CHD1: variants seen among roughly 807,000 people sequenced by gnomAD.
CHD1 encodes chromodomain helicase DNA binding protein 1.
A neutral mutation model predicts 224.2 loss-of-function variants in CHD1; 36 were observed. That is an observed-to-expected ratio of 0.16 (90% confidence interval 0.12 to 0.21). The LOEUF (loss-of-function observed/expected upper bound fraction) is 0.21. Ranked by LOEUF, CHD1 falls within the 10% of genes least tolerant of loss-of-function variation. The pLI, the probability that CHD1 is intolerant of heterozygous loss-of-function variation, is 1.00. For missense variants in CHD1, 1,378 were observed against 1,994.8 expected, an observed-to-expected ratio of 0.69 and a Z score of 5.89; for synonymous variants, 668 against 658.3, an observed-to-expected ratio of 1.01 and a Z score of -0.23.
intron 15 of CHD1, chr5:98,889,776 G>C (rs886741741): frequency 6.6e-6 from 1 of 152,142 alleles, no homozygotes; most frequent in Admixed American, 6.5e-5. Context: ...CCAATACAGA[G>C]ATTAGAATGG....
intron 18 of CHD1, 128 bp downstream of exon 18, chr5:98,885,450 C>A: frequency 1.5e-6 from 1 of 651,550 alleles, no homozygotes; most frequent in Non-Finnish European, 2.7e-6. Flanking sequence ...ATTTGCTAAT[C>A]AAAGGTGGCT....
chr5:98,868,676 T>G (rs375909293), intron 30 of CHD1, 41 bp from the exon 31 acceptor site: 4 of 1,503,872 alleles, frequency 2.7e-6, no homozygotes, highest in Middle Eastern at 1.8e-4. Flanking sequence ...AAAACCCCAA[T>G]AGCAACAAAG....
intron 4 of CHD1, 33 bp downstream of exon 4, chr5:98,903,759 C>CTT: frequency 7.0e-7 from 1 of 1,437,240 alleles, no homozygotes; most frequent in Middle Eastern, 1.7e-4. Context: ...AGCATGTCCA[C>CTT]TTTTAAAATA....
chr5:98,898,898 A>G, intron 8 of CHD1, 134 bp from the exon 9 acceptor site: 1 of 627,800 alleles, frequency 1.6e-6, no homozygotes, highest in Non-Finnish European at 2.8e-6. Context: ...AGTAATAAAG[A>G]AACTCAAACA....
chr5:98,916,341 T>A (rs1271167628), intron 2 of CHD1, among the ~76,000 whole-genome samples: 1 of 151,246 alleles, frequency 6.6e-6, no homozygotes, highest in South Asian at 2.1e-4. Context: ...AGTTCAGGAG[T>A]TCGAGACCAG....
intron 2 of CHD1, among the ~76,000 whole-genome samples, chr5:98,917,420 C>A (rs1752809703): frequency 6.6e-6 from 1 of 151,966 alleles, no homozygotes; most frequent in African/African-American, 2.4e-5. Flanking sequence ...CAGTATCCAC[C>A]TGACATATAC....
At chr5:98,896,504 T>C (rs1483116956) in intron 11 of CHD1, 62 bp from the exon 12 acceptor site, 1 of 1,122,454 alleles carries the variant, frequency 8.9e-7, no homozygotes, top group Non-Finnish European at 1.3e-6. Context: ...GAAACCTTTT[T>C]ACATCATGTG....
chr5:98,915,245 T>C (rs1752663569), intron 2 of CHD1, among the ~76,000 whole-genome samples: 1 of 152,252 alleles, frequency 6.6e-6, no homozygotes, highest in Admixed American at 6.5e-5. Flanking sequence ...TCCACTGCTT[T>C]GTTAAGCACT....
Position 98,903,883 on chromosome 5 carries a change from A to T in CHD1, c.281T>A (p.Leu94Gln). The T allele has an allele frequency of 6.2e-7, 1 of 1,609,252 alleles. No homozygotes were observed. Among genetic ancestry groups the T allele is most frequent in the Non-Finnish European group, 8.5e-7 (1 of 1,177,070 alleles). ...GAGGATTGCAGATCTCTGAACGGCC[A>T]GAATACTAGGACTAGATTTCCAAAA... ...AEFWKSSPSI[L>Q]AVQRSAILKK... The change falls in exon 4 of 36, where the codon CTG (leucine) becomes CAG (glutamine). Residue 94 changes from leucine (L) to glutamine (Q), a missense_variant. By Grantham distance (113) the Leu-to-Gln change is moderately radical. Around this residue, in one of 16 missense-constraint regions of CHD1, gnomAD observed 306 missense variants for 298.1 expected, o/e 1.03. Transcript: ENST00000614616.
rs1437952164 is a variant in CHD1, at chr5:98,914,848, A to G, written c.54-9750T>C. ...CCACAATACTTTGCTCATGTTACTA[A>G]TAATTCCTTCACAGTATTACAATTA... On this transcript the variant is annotated intron_variant, in intron 2 of 35. Coordinates refer to ENST00000614616, the MANE Select transcript of CHD1 (RefSeq NM_001270.4). 2.0e-5 allele frequency among the ~76,000 whole-genome samples: 3 copies of G among 151,792 alleles called. No individual in the cohort carries two copies. In the East Asian group the frequency reaches 5.8e-4, roughly 29 times the overall value.
chr5:98,923,360 T>G (rs1467824210), intron 2 of CHD1, among the ~76,000 whole-genome samples: 1 of 152,218 alleles, frequency 6.6e-6, no homozygotes, highest in Non-Finnish European at 1.5e-5. Flanking sequence ...TGCTTTGCAA[T>G]TATTTAAGAT....
chr5:98,867,861 G>GGTGCAATC (rs1161714470), intron 31 of CHD1, among the ~76,000 whole-genome samples: 2 of 140,598 alleles, frequency 1.4e-5, no homozygotes, highest in African/African-American at 5.2e-5. Context: ...GGAGTGCAAT[G>GGTGCAATC]GTGCAATCTC....
chr5:98,904,869 A>G (rs1310787348), intron 3 of CHD1, 28 bp downstream of exon 3: 1 of 1,606,520 alleles, frequency 6.2e-7, no homozygotes, highest in Non-Finnish European at 8.5e-7. Flanking sequence ...CAAGCAATCT[A>G]CCTTTCATTG....
chr5:98,881,252 C>CTTTTTTTTTT, intron 21 of CHD1, 27 bp downstream of exon 21: 2 of 674,850 alleles, frequency 3.0e-6, no homozygotes, highest in Non-Finnish European at 2.3e-6. Flanking sequence ...TGAGGCAGGC[C>CTTTTTTTTTT]TTTTTTTTTT....
At chr5:98,921,315 G>A (rs367805683) in intron 2 of CHD1, among the ~76,000 whole-genome samples, 2 of 152,170 alleles carry the variant, frequency 1.3e-5, no homozygotes, top group Admixed American at 6.5e-5. Context: ...TTGGAGGTTC[G>A]CAGAGAATGA....
rs7702352 is a variant in CHD1 at position 98,901,127 on chromosome 5, T to C, written c.588-45A>G. 279,980 of 1,572,668 alleles carry C rather than the reference T, an allele frequency of 0.18. 25,615 individuals carry two copies. The highest frequency in any genetic ancestry group is 0.29 in the Middle Eastern group (1,671 of 5,806). ...AAAAAAAACAAGATTTGAGAAACTA[T>C]ATACAAAAAGAACAAATACTTTCCA... On this transcript the variant is annotated intron_variant, in intron 6 of 35. Transcript: ENST00000614616.
At chr5:98,875,526 C>A (rs1749685802) in intron 24 of CHD1, among the ~76,000 whole-genome samples, 1 of 151,994 alleles carries the variant, frequency 6.6e-6, no homozygotes, top group Non-Finnish European at 1.5e-5. Context: ...GTGTATTACA[C>A]CAACAATGCA....
chr5:98,864,879 G>C (rs1280452135), intron 31 of CHD1, among the ~76,000 whole-genome samples: 4 of 152,188 alleles, frequency 2.6e-5, no homozygotes, highest in African/African-American at 7.2e-5. Flanking sequence ...TATTCTGTTA[G>C]AAAATAATTT....
At position 98,894,581 on chromosome 5, in the gene CHD1, A is replaced by G; in HGVS notation, c.1800+16T>C. The G allele has an allele frequency of 9.6e-7, 1 of 1,046,604 alleles. No individual in the cohort carries two copies. The highest frequency in any genetic ancestry group is 1.4e-6 in the Non-Finnish European group (1 of 717,824). 64.8% of individuals were successfully genotyped at this position (1,046,604 alleles called of 1,614,324 possible). ...GATATACAAGAGACCAAAACACGTG[A>G]GAAATAAATACATACCTTATCTTTT... On this transcript the variant is annotated intron_variant, in intron 13 of 35. Transcript: ENST00000614616.
Sources: gnomAD v4.1 joint callset for allele counts (sites outside exome capture counted in the v4.1 genomes callset) on GRCh38, gnomAD v4.1.1 for gene constraint, gnomAD v4.1.1 regional missense constraint, MANE v1.5 for transcripts, NCBI Gene and HGNC (gene_info 2026-07-23, HGNC 2026-07-21) for gene names.